SUGCT: variants seen among roughly 807,000 people sequenced by gnomAD.
SUGCT encodes the protein succinyl-CoA:glutarate-CoA transferase, also known as succinyl-CoA:glutarate CoA-transferase.
A neutral mutation model predicts 55.0 loss-of-function variants in SUGCT; 41 were observed. The observed-to-expected ratio is 0.74, with a 90% CI of 0.58 to 0.97. The LOEUF (loss-of-function observed/expected upper bound fraction) is 0.97, where lower values mean the gene tolerates loss of function less well. SUGCT is among the 50% of genes least tolerant of loss of function. The probability of loss-of-function intolerance (pLI) is 0.00; values close to 1 mark genes in which losing one functional copy is unlikely to be tolerated. For synonymous variants in SUGCT, 187 were observed against 200.4 expected, an observed-to-expected ratio of 0.93 and a Z score of 0.56; for missense variants, 568 against 547.8, an observed-to-expected ratio of 1.04 and a Z score of -0.37.
In SUGCT at chr7:40,135,025, T is replaced by C; in HGVS notation, c.5T>C (p.Leu2Pro). M[L>P]ATLARVAALR... ...ATGCCATCTGAGACGCACGCGATGC[T>C]GGCGACGCTGGCGAGGGTGGCAGCT... The change falls in exon 1 of 14, where the codon CTG becomes CCG. Residue 2 changes from leucine (L) to proline (P), a missense_variant. Leu to Pro is a moderately conservative substitution (Grantham distance 98). Coordinates refer to ENST00000335693, the MANE Select transcript of SUGCT (RefSeq NM_001193313.2). 1 of 1,560,234 alleles carries C rather than the reference T, an allele frequency of 6.4e-7. No homozygotes were observed. The highest frequency in any genetic ancestry group is 8.7e-7 in the Non-Finnish European group (1 of 1,153,898).
intron 12 of SUGCT, among the ~76,000 whole-genome samples, chr7:40,648,759 A>G (rs1454438813): frequency 1.3e-5 from 2 of 152,204 alleles, no homozygotes; most frequent in South Asian, 2.1e-4. Context: ...CATTTCAGCT[A>G]CAAGTATGCC....
chr7:40,839,409 A>G (rs2128787341), intron 13 of SUGCT, among the ~76,000 whole-genome samples: 1 of 152,218 alleles, frequency 6.6e-6, no homozygotes, highest in East Asian at 1.9e-4. Flanking sequence ...TGCCCAGCTA[A>G]TTTTTATTGG....
intron 6 of SUGCT, among the ~76,000 whole-genome samples, chr7:40,203,782 A>T (rs1786762178): frequency 6.6e-6 from 1 of 152,096 alleles, no homozygotes; most frequent in Admixed American, 6.6e-5. Context: ...CTCAGAAAAA[A>T]AAAAAGAAAG....
At chr7:40,232,148 G>A (rs1788759422) in intron 6 of SUGCT, among the ~76,000 whole-genome samples, 1 of 152,138 alleles carries the variant, frequency 6.6e-6, no homozygotes, top group Admixed American at 6.5e-5. Flanking sequence ...CAAAAATGAG[G>A]TAGGGAGAGC....
chr7:40,248,417 T>A (rs1380749347), intron 7 of SUGCT, among the ~76,000 whole-genome samples: 1 of 152,208 alleles, frequency 6.6e-6, no homozygotes. Context: ...TACACTTGCT[T>A]TTATTGTGTC....
the SUGCT span, among the ~76,000 whole-genome samples, chr7:41,012,277 T>A: frequency 4.9e-4 from 74 of 152,158 alleles, no homozygotes; most frequent in Non-Finnish European, 7.3e-4. Flanking sequence ...TTCTTTTCCA[T>A]CACAGCTCAA....
intron 7 of SUGCT, among the ~76,000 whole-genome samples, chr7:40,264,267 G>A (rs1791412485): frequency 6.6e-6 from 1 of 152,106 alleles, no homozygotes; most frequent in South Asian, 2.1e-4. Flanking sequence ...GTGTTACTGA[G>A]GTACATAAGT....
intron 1 of SUGCT, among the ~76,000 whole-genome samples, chr7:40,139,971 C>T (rs1033167147): frequency 2.6e-5 from 4 of 151,782 alleles, no homozygotes; most frequent in Non-Finnish European, 5.9e-5. Context: ...GGCGCGATCT[C>T]GGCTCACTGC....
intron 12 of SUGCT, among the ~76,000 whole-genome samples, chr7:40,697,472 T>C (rs1204919766): frequency 6.6e-6 from 1 of 151,952 alleles, no homozygotes; most frequent in Admixed American, 6.6e-5. Context: ...CCATCTCTAC[T>C]AAAAAAATAA....
At chr7:40,298,598 T>C (rs1469132284) in intron 8 of SUGCT, among the ~76,000 whole-genome samples, 1 of 152,190 alleles carries the variant, frequency 6.6e-6, no homozygotes, top group Non-Finnish European at 1.5e-5. Flanking sequence ...TAGAACAGGA[T>C]ACACTGCAGT....
chr7:40,315,701 A>G (rs1795387700), intron 8 of SUGCT, among the ~76,000 whole-genome samples: 2 of 152,290 alleles, frequency 1.3e-5, no homozygotes, highest in South Asian at 2.1e-4. Flanking sequence ...CCAGGAGCCA[A>G]TCTCAATTTG....
chr7:40,442,692 A>G (rs1788580481), intron 9 of SUGCT, among the ~76,000 whole-genome samples: 1 of 152,114 alleles, frequency 6.6e-6, no homozygotes, highest in African/African-American at 2.4e-5. Flanking sequence ...CTTGTTAAAA[A>G]GCTTAAAAAG....
At chr7:40,344,106 C>T (rs997267246) in intron 9 of SUGCT, among the ~76,000 whole-genome samples, 1 of 152,142 alleles carries the variant, frequency 6.6e-6, no homozygotes, top group Admixed American at 6.6e-5. Flanking sequence ...TCCATGGTGC[C>T]ATTTTATTCT....
chr7:40,832,684 T>C (rs1482571554), intron 13 of SUGCT, among the ~76,000 whole-genome samples: 4 of 151,556 alleles, frequency 2.6e-5, no homozygotes, highest in African/African-American at 7.3e-5. Context: ...CTACTTTTTT[T>C]TTTTTTTTGA....
intron 13 of SUGCT, among the ~76,000 whole-genome samples, chr7:40,787,703 T>C (rs1790089293): frequency 7.6e-6 from 1 of 131,650 alleles, no homozygotes; most frequent in African/African-American, 2.8e-5. Flanking sequence ...AAATGCCTGC[T>C]CTCTCTAGCC....
chr7:40,180,607 A>T (rs1785143619), intron 1 of SUGCT, among the ~76,000 whole-genome samples: 1 of 151,398 alleles, frequency 6.6e-6, no homozygotes, highest in East Asian at 1.9e-4. Context: ...CTCCTGCCTC[A>T]GCCTCCCGAT....
chr7:40,363,400 A>G (rs974735249), intron 9 of SUGCT, among the ~76,000 whole-genome samples: 1 of 151,696 alleles, frequency 6.6e-6, no homozygotes, highest in African/African-American at 2.4e-5. Context: ...TTTAATTGTG[A>G]TGTTACGGTG....
At chr7:40,886,686 A>C in the SUGCT span, among the ~76,000 whole-genome samples, 1 of 152,204 alleles carries the variant, frequency 6.6e-6, no homozygotes. Context: ...TCATTCTCCT[A>C]GGCCTGCTAA....
chr7:40,828,012 G>A (rs1450005728), intron 13 of SUGCT, among the ~76,000 whole-genome samples: 2 of 152,158 alleles, frequency 1.3e-5, no homozygotes, highest in East Asian at 3.9e-4. Flanking sequence ...CAAAATCCAT[G>A]CCTGGATTCT....
Sources: allele counts gnomAD v4.1 joint callset (sites outside exome capture counted in the v4.1 genomes callset), GRCh38; gene constraint gnomAD v4.1.1; transcripts MANE v1.5; gene names NCBI Gene and HGNC (gene_info 2026-07-23, HGNC 2026-07-21).